NECTIN1: variants seen among roughly 807,000 people sequenced by gnomAD.
NECTIN1 encodes nectin-1.
Under a neutral mutation model 48.0 loss-of-function variants are expected in NECTIN1, and 23 were observed. That is an observed-to-expected ratio of 0.48 (90% CI 0.34 to 0.68). The LOEUF (loss-of-function observed/expected upper bound fraction) is 0.68. NECTIN1 is among the 30% of genes least tolerant of loss of function. NECTIN1 has a pLI of 0.01. For missense variants in NECTIN1, 591 were observed against 709.9 expected (o/e 0.83, Z 1.90); for synonymous variants, 270 against 288.9 (o/e 0.93, Z 0.66).
chr11:119,716,697 GGACA>G (rs1865747349), intron 1 of NECTIN1, among the ~76,000 whole-genome samples: 1 of 152,176 alleles, frequency 6.6e-6, no homozygotes, highest in South Asian at 2.1e-4. Flanking sequence ...GACCTTGCCC[GGACA>G]GTCATCATCT....
rs77069268 is a variant in NECTIN1, at chr11:119,701,871, C to T, written c.80-23106G>A. On this transcript the variant is annotated intron_variant, in intron 1 of 5. Coordinates refer to ENST00000264025, the MANE Select transcript of NECTIN1 (RefSeq NM_002855.5). The stretch of plus-strand genomic sequence containing the variant: ...CTGCCTCCGCCTCACTGGCTCCCGC[C>T]CCGTCCCTGTCCCTCCACTGCTCCA... Among the ~76,000 whole-genome samples the T allele has an allele frequency of 4.6e-3, 700 of 152,252 alleles. 8 individuals are homozygous for T. The East Asian group carries it at 0.049, about 11-fold the overall frequency.
intron 5 of NECTIN1, among the ~76,000 whole-genome samples, chr11:119,648,376 A>ATGG (rs1864440910): frequency 8.4e-4 from 4 of 4,736 alleles, no homozygotes; most frequent in African/African-American, 1.0e-3. Context: ...GATGGTGGTG[A>ATGG]TGGTGGTGGT....
chr11:119,638,200 G>A, exon 8 of NECTIN1: 1 of 1,614,112 alleles, frequency 6.2e-7, no homozygotes. Context: ...GCTTCTGCAA[G>A]TCCTCCTCTT....
downstream of NECTIN1, among the ~76,000 whole-genome samples, chr11:119,660,716 C>T (rs1304297824): frequency 6.6e-6 from 1 of 152,166 alleles, no homozygotes; most frequent in Admixed American, 6.5e-5. Flanking sequence ...TCAGGCCTTA[C>T]TTTCTTAAAG....
downstream of NECTIN1, among the ~76,000 whole-genome samples, chr11:119,657,758 A>AATAAT (rs1864598169): frequency 6.9e-6 from 1 of 144,196 alleles, no homozygotes; most frequent in South Asian, 2.2e-4. Context: ...TAATAATAAT[A>AATAAT]ATAATAATAA....
At chr11:119,703,856 C>G (rs757728799) in intron 1 of NECTIN1, among the ~76,000 whole-genome samples, 6 of 152,216 alleles carry the variant, frequency 3.9e-5, no homozygotes, top group Non-Finnish European at 8.8e-5. Flanking sequence ...CGCGGCTCAG[C>G]CTGTTCAGCC....
intron 1 of NECTIN1, among the ~76,000 whole-genome samples, chr11:119,685,704 G>C (rs920062158): frequency 2.0e-5 from 3 of 152,194 alleles, no homozygotes; most frequent in African/African-American, 7.2e-5. Context: ...GGAACACAGA[G>C]CCTCTCTCTT....
At chr11:119,649,737 T>A (rs1189896764) in intron 5 of NECTIN1, among the ~76,000 whole-genome samples, 1 of 152,082 alleles carries the variant, frequency 6.6e-6, no homozygotes, top group African/African-American at 2.4e-5. Context: ...ACAGGAAATA[T>A]AAAAACACGG....
At chr11:119,655,803 A>G (rs1864563998) in intron 5 of NECTIN1, among the ~76,000 whole-genome samples, 1 of 152,134 alleles carries the variant, frequency 6.6e-6, no homozygotes, top group Non-Finnish European at 1.5e-5. Flanking sequence ...TTTGAGAGGT[A>G]ATGAATTGCC....
Position 119,676,581 on chromosome 11 carries a change from C to T in NECTIN1, c.851+521G>A, listed in dbSNP as rs183859237. ...GGGAGAAGGCGAAGGCAAGGCAAGG[C>T]GAAGACCGTGAGGCCAAGAAGGGGA... On this transcript the variant is annotated intron_variant, in intron 4 of 5. Coordinates refer to ENST00000264025, the MANE Select transcript of NECTIN1 (RefSeq NM_002855.5). Among the ~76,000 whole-genome samples, 288 of 152,334 alleles carry T rather than the reference C, an allele frequency of 1.9e-3. 2 individuals carry two copies. Among genetic ancestry groups the T allele is most frequent in the African/African-American group, 6.4e-3 (266 of 41,568 alleles).
In NECTIN1 at chr11:119,665,968, C is replaced by A. The variant is rs1864762043; in HGVS notation, c.1004-671G>T. On this transcript the variant is annotated intron_variant, in intron 5 of 5. Coordinates refer to ENST00000264025, the MANE Select transcript of NECTIN1 (RefSeq NM_002855.5). This position sits in a 1 kb window ranked among gnomAD's most constrained non-coding sequence, Gnocchi z 5.1. ...TTCCCAGGCACTGGCTCAGGAGATGCCCCGTGAGTGCCAATCAGCTGCCAA... is the reference window on the plus strand; with the variant it reads ...TTCCCAGGCACTGGCTCAGGAGATGACCCGTGAGTGCCAATCAGCTGCCAA... 6.6e-6 allele frequency among the ~76,000 whole-genome samples: 1 copy of A among 152,138 alleles called. No individual in the cohort carries two copies. The highest frequency in any genetic ancestry group is 2.4e-5 in the African/African-American group (1 of 41,450).
Position 119,662,270 on chromosome 11 carries a change from G to T in NECTIN1, c.*2477C>A. On this transcript the variant is annotated 3_prime_UTR_variant, in exon 6 of 6. Coordinates refer to ENST00000264025, the MANE Select transcript of NECTIN1 (RefSeq NM_002855.5). This position sits in a 1 kb window ranked among gnomAD's most constrained non-coding sequence, Gnocchi z 5.3. ...CTGTGTCTGTGGGCCCAGCAGTAGT[G>T]CCCACCTTCCCACAAACTTGGGGCA... 1.0e-6 allele frequency: 1 copy of T among 985,624 alleles called. No homozygotes were observed. The highest frequency in any genetic ancestry group is 1.2e-6 in the Non-Finnish European group (1 of 829,932). 61.1% of individuals were successfully genotyped at this position (985,624 alleles called of 1,614,324 possible). A position where few individuals can be genotyped will look rare whatever the true frequency, so the allele number is the denominator to read the frequency against.
chr11:119,664,768 G>A lies in NECTIN1; in HGVS notation c.1533C>T (p.Ser511=). 3 of 1,612,110 alleles carry A rather than the reference G, an allele frequency of 1.9e-6. No individual in the cohort carries two copies. The highest frequency in any genetic ancestry group is 3.3e-5 in the Admixed American group (2 of 59,870). Residue 511 remains serine, a synonymous_variant, in exon 6 of 6, where the codon TCC becomes TCT. Coordinates refer to ENST00000264025, the MANE Select transcript of NECTIN1 (RefSeq NM_002855.5). ...MVSQNDGSFI[S]KKEWYV ...GGGGCTACACGTACCACTCCTTCTT[G>A]GAAATGAAAGACCCGTCGTTCTGAG...
rs1865927682 is a variant in NECTIN1, at chr11:119,727,444, CAG to C, written c.79+1029_79+1030del. Among the ~76,000 whole-genome samples the C allele has an allele frequency of 6.6e-6, 1 of 152,178 alleles. No individual in the cohort carries two copies. The highest frequency in any genetic ancestry group is 2.1e-4 in the South Asian group (1 of 4,834). ...CTGCAGGTCGTCTCTGGTTTCTACC[CAG>C]AGAGCTGGAGGAACTCCCCACACCC... On this transcript the variant is annotated intron_variant, in intron 1 of 5. Transcript: ENST00000264025. This position sits in a 1 kb window ranked among gnomAD's most constrained non-coding sequence, Gnocchi z 4.1.
chr11:119,706,647 G>T (rs757943707), intron 1 of NECTIN1, among the ~76,000 whole-genome samples: 2 of 152,188 alleles, frequency 1.3e-5, no homozygotes, highest in Non-Finnish European at 2.9e-5. Context: ...GCTTCTAATC[G>T]CTTGGAAATG....
intron 1 of NECTIN1, among the ~76,000 whole-genome samples, chr11:119,725,321 GC>G (rs1203280454): frequency 6.6e-6 from 1 of 152,136 alleles, no homozygotes; most frequent in Non-Finnish European, 1.5e-5. Flanking sequence ...AACACTCTTA[GC>G]CTCAGCAAGC....
chr11:119,644,858 C>T (rs1864374595), intron 5 of NECTIN1, among the ~76,000 whole-genome samples: 2 of 151,692 alleles, frequency 1.3e-5, no homozygotes, highest in Admixed American at 1.3e-4. Context: ...AATCAGGGGG[C>T]TGGGAGGAGG....
Position 119,728,595 on chromosome 11 carries a change from CT to C in NECTIN1, c.-43del, listed in dbSNP as rs1442220366. The C allele has an allele frequency of 5.0e-6, 7 of 1,407,826 alleles. No homozygotes were observed. The highest frequency in any genetic ancestry group is 6.8e-6 in the Non-Finnish European group (7 of 1,033,750). The allele number at this position is 1,407,826 out of a possible 1,614,324, so 87.2% of individuals were successfully genotyped here. ...GGCGAGAGGGGCGGCGAGGGCAGCG[CT>C]CCTCGCGCAGCAGAAACCAGCCCGG... is the stretch of plus-strand genomic sequence containing the variant. On this transcript the variant is annotated 5_prime_UTR_variant, in exon 1 of 6. Coordinates refer to ENST00000264025, the MANE Select transcript of NECTIN1 (RefSeq NM_002855.5).
intron 1 of NECTIN1, among the ~76,000 whole-genome samples, chr11:119,693,022 C>G (rs762564460): frequency 6.6e-6 from 1 of 152,192 alleles, no homozygotes; most frequent in Non-Finnish European, 1.5e-5. Context: ...ACTCCTCCTT[C>G]GTTCTGCGGG....
Sources: gnomAD v4.1 joint callset for allele counts (sites outside exome capture counted in the v4.1 genomes callset) on GRCh38, gnomAD v4.1.1 for gene constraint, Gnocchi (gnomAD v3.1) non-coding constraint, MANE v1.5 for transcripts, NCBI Gene and HGNC (gene_info 2026-07-23, HGNC 2026-07-21) for gene names.